Variants in ADAMTS6 observed in about 807,000 individuals in gnomAD.
ADAMTS6 encodes the protein A disintegrin and metalloproteinase with thrombospondin motifs 6.
A neutral mutation model predicts 144.3 loss-of-function variants in ADAMTS6; 23 were observed. That is an observed-to-expected ratio of 0.16 (90% CI 0.11 to 0.23). The LOEUF is 0.23. ADAMTS6 is among the 10% of genes least tolerant of loss of function. The pLI is 1.00. For synonymous variants in ADAMTS6, 444 were observed against 457.5 expected, an observed-to-expected ratio of 0.97 and a Z score of 0.38; for missense variants, 999 against 1,379.6, an observed-to-expected ratio of 0.72 and a Z score of 4.37.
At chr5:65,291,512 G>A in intron 10 of ADAMTS6, 42 bp from the exon 11 acceptor site, 1 of 1,548,104 alleles carries the variant, frequency 6.5e-7, no homozygotes. Context: ...GTATTCTATG[G>A]GCTATTTTAG....
intron 7 of ADAMTS6, among the ~76,000 whole-genome samples, chr5:65,354,171 C>T (rs1434876294): frequency 1.3e-5 from 2 of 151,790 alleles, no homozygotes; most frequent in African/African-American, 2.4e-5. Flanking sequence ...TTCTTTATTG[C>T]TTTGCATTTT....
At chr5:65,238,895 T>C (rs1469441943) in intron 15 of ADAMTS6, among the ~76,000 whole-genome samples, 4 of 152,172 alleles carry the variant, frequency 2.6e-5, no homozygotes, top group Non-Finnish European at 5.9e-5. Flanking sequence ...CATAACACCA[T>C]TCATAAGTCC....
chr5:65,454,466 T>A (rs1333898205), intron 4 of ADAMTS6, among the ~76,000 whole-genome samples: 1 of 152,106 alleles, frequency 6.6e-6, no homozygotes, highest in African/African-American at 2.4e-5. Context: ...CCAGATAGTG[T>A]TTCTCTATAT....
intron 7 of ADAMTS6, among the ~76,000 whole-genome samples, chr5:65,363,373 C>T (rs770056019): frequency 6.6e-6 from 1 of 152,130 alleles, no homozygotes; most frequent in African/African-American, 2.4e-5. Flanking sequence ...GCTTCACACC[C>T]CTTTTGTGCT....
At position 65,430,164 on chromosome 5, in the gene ADAMTS6, T is replaced by TAA. The variant is rs58780724; in HGVS notation, c.1073+21309_1073+21310dup. Among the ~76,000 whole-genome samples the TAA allele has an allele frequency of 2.4e-4, 34 of 144,090 alleles. No homozygotes were observed. In the East Asian group the frequency reaches 2.4e-3, roughly 10 times the overall value. 94.5% of individuals were successfully genotyped at this position (144,090 alleles called of 152,430 possible). ...TAAATAACAATAAAATTATCTTTGT[T>TAA]AAAAAAAAAAAAAGACGGAAAATCA... On this transcript the variant is annotated intron_variant, in intron 7 of 24. Coordinates refer to ENST00000381055, the MANE Select transcript of ADAMTS6 (RefSeq NM_197941.4).
chr5:65,252,655 C>G (rs1211344891), intron 14 of ADAMTS6, among the ~76,000 whole-genome samples: 1 of 151,472 alleles, frequency 6.6e-6, no homozygotes, highest in Non-Finnish European at 1.5e-5. Context: ...GCTAACAACT[C>G]TAACCAGAGA....
chr5:65,207,276 T>C (rs1229681096), intron 20 of ADAMTS6, among the ~76,000 whole-genome samples: 1 of 152,002 alleles, frequency 6.6e-6, no homozygotes, highest in East Asian at 1.9e-4. Context: ...AAGAAAAATC[T>C]AGGAAAAAAA....
chr5:65,275,367 G>C (rs964378501), intron 11 of ADAMTS6, among the ~76,000 whole-genome samples: 23 of 92,066 alleles, frequency 2.5e-4, no homozygotes, highest in African/African-American at 9.0e-4. Context: ...AAGAAAGAAA[G>C]AAAGAAAGAA....
chr5:65,174,510 G>A (rs1753845344), intron 22 of ADAMTS6, among the ~76,000 whole-genome samples: 1 of 152,206 alleles, frequency 6.6e-6, no homozygotes, highest in Admixed American at 6.5e-5. Flanking sequence ...GATCAACGCA[G>A]TGGCTGAACA....
At chr5:65,186,153 G>A (rs964985732) in intron 22 of ADAMTS6, among the ~76,000 whole-genome samples, 1 of 151,818 alleles carries the variant, frequency 6.6e-6, no homozygotes, top group African/African-American at 2.4e-5. Context: ...TCTCTTTTCA[G>A]GCATCCTTTC....
chr5:65,178,998 G>A (rs1255641603), intron 22 of ADAMTS6, among the ~76,000 whole-genome samples: 1 of 151,898 alleles, frequency 6.6e-6, no homozygotes, highest in East Asian at 1.9e-4. Context: ...GCTGTACGTG[G>A]ACGGGAGCTT....
At position 65,291,291 on chromosome 5, in the gene ADAMTS6, C is replaced by T. The variant is rs750349578; in HGVS notation, c.1512+38G>A. ...TTAACATCTGTGTCATGGAAGAACACGTATAAATGACGAAACATAAGGATG... is the reference window on the plus strand; with the variant it reads ...TTAACATCTGTGTCATGGAAGAACATGTATAAATGACGAAACATAAGGATG... On this transcript the variant is annotated intron_variant, in intron 11 of 24. Coordinates refer to ENST00000381055, the MANE Select transcript of ADAMTS6 (RefSeq NM_197941.4). 3.0e-5 allele frequency: 48 copies of T among 1,586,830 alleles called. 1 individual carries two copies. The South Asian group carries it at 4.5e-4, about 15-fold the overall frequency.
intron 7 of ADAMTS6, among the ~76,000 whole-genome samples, chr5:65,422,880 A>T (rs1167286308): frequency 6.6e-6 from 1 of 152,222 alleles, no homozygotes; most frequent in Non-Finnish European, 1.5e-5. Context: ...AATTGCAAAG[A>T]TATGGAACAA....
intron 7 of ADAMTS6, among the ~76,000 whole-genome samples, chr5:65,408,356 C>T (rs990114249): frequency 6.6e-6 from 1 of 152,114 alleles, no homozygotes; most frequent in Non-Finnish European, 1.5e-5. Flanking sequence ...ATCCTAGTCT[C>T]TGATAAAACA....
chr5:65,373,966 G>A (rs894979693), intron 7 of ADAMTS6, among the ~76,000 whole-genome samples: 4 of 152,090 alleles, frequency 2.6e-5, no homozygotes, highest in Non-Finnish European at 4.4e-5. Flanking sequence ...ACGCAAATCA[G>A]TACATGTAAT....
intron 9 of ADAMTS6, 36 bp downstream of exon 9, chr5:65,329,342 T>C (rs1180141686): frequency 6.3e-7 from 1 of 1,597,058 alleles, no homozygotes; most frequent in Non-Finnish European, 8.6e-7. Context: ...AGAGCAGAGT[T>C]CTAAAATTTA....
chr5:65,469,113 A>G (rs1434912932), intron 3 of ADAMTS6, among the ~76,000 whole-genome samples: 1 of 152,230 alleles, frequency 6.6e-6, no homozygotes, highest in African/African-American at 2.4e-5. Context: ...TTTTTAAAAT[A>G]TTATTAACTA....
chr5:65,313,522 G>A (rs1256414485), intron 9 of ADAMTS6, among the ~76,000 whole-genome samples: 1 of 151,808 alleles, frequency 6.6e-6, no homozygotes, highest in African/African-American at 2.4e-5. Flanking sequence ...CCAAAATTTA[G>A]TATTTATGAA....
At chr5:65,412,907 A>T (rs1474491003) in intron 7 of ADAMTS6, among the ~76,000 whole-genome samples, 1 of 152,162 alleles carries the variant, frequency 6.6e-6, no homozygotes, top group Non-Finnish European at 1.5e-5. Flanking sequence ...ATTACTTTAC[A>T]ATTCTCTAAT....
Sources: gnomAD v4.1 joint callset for allele counts (sites outside exome capture counted in the v4.1 genomes callset) on GRCh38, gnomAD v4.1.1 for gene constraint, MANE v1.5 for transcripts, NCBI Gene and HGNC (gene_info 2026-07-23, HGNC 2026-07-21) for gene names.